The following KCNK10 variants were observed in gnomAD, a reference collection of about 807,000 sequenced individuals.
The protein encoded by KCNK10 is potassium two pore domain channel subfamily K member 10.
Under a neutral mutation model 47.7 loss-of-function variants are expected in KCNK10, and 25 were observed. The ratio of observed to expected loss-of-function variants is 0.52; its 90% CI spans 0.38 to 0.73. The LOEUF (loss-of-function observed/expected upper bound fraction) is 0.73, where lower values mean the gene tolerates loss of function less well. KCNK10 is among the 30% of genes least tolerant of loss of function. The pLI is 0.00. For synonymous variants in KCNK10, 303 were observed against 285.6 expected, an observed-to-expected ratio of 1.06 and a Z score of -0.61; for missense variants, 563 against 714.5, an observed-to-expected ratio of 0.79 and a Z score of 2.42.
chr14:88,192,583 G>C (rs908177304), intron 4 of KCNK10, among the ~76,000 whole-genome samples, 173 bp from the exon 5 acceptor site: 11 of 152,176 alleles, frequency 7.2e-5, no homozygotes, highest in South Asian at 2.1e-4. Context: ...AGTGCATTCA[G>C]AATTTTTCAA....
intron 1 of KCNK10, among the ~76,000 whole-genome samples, chr14:88,289,571 G>T (rs1887834655): frequency 6.6e-6 from 1 of 152,210 alleles, no homozygotes; most frequent in South Asian, 2.1e-4. Flanking sequence ...CTGCTTGTGT[G>T]ATCTGCTCCT....
chr14:88,189,378 C>T (rs183600984), intron 5 of KCNK10, among the ~76,000 whole-genome samples: 6 of 152,188 alleles, frequency 3.9e-5, no homozygotes, highest in Admixed American at 6.5e-5. Flanking sequence ...CTGTAGGATA[C>T]GATCTGAGTT....
At chr14:88,274,603 A>G (rs112212123) in intron 1 of KCNK10, among the ~76,000 whole-genome samples, 6,328 of 150,724 alleles carry the variant, frequency 0.042, 263 homozygotes, top group African/African-American at 0.1. Context: ...GTCCTATTGC[A>G]TAATTCCCTA....
chr14:88,210,936 A>T (rs1168434766), intron 4 of KCNK10, among the ~76,000 whole-genome samples: 1 of 152,178 alleles, frequency 6.6e-6, no homozygotes, highest in Admixed American at 6.5e-5. Context: ...ACTGTAGAAA[A>T]CAGTGTCACG....
At chr14:88,297,323 C>T (rs933351952) in intron 1 of KCNK10, among the ~76,000 whole-genome samples, 1 of 152,206 alleles carries the variant, frequency 6.6e-6, no homozygotes, top group Non-Finnish European at 1.5e-5. Flanking sequence ...TCACTTCAAA[C>T]ATTTGTTGCC....
chr14:88,269,486 G>A (rs989206706), intron 1 of KCNK10, among the ~76,000 whole-genome samples: 2 of 152,212 alleles, frequency 1.3e-5, no homozygotes, highest in African/African-American at 4.8e-5. Context: ...CACTCAGGCT[G>A]AAGTGCAGTG....
chr14:88,194,104 C>T (rs1481687769), intron 4 of KCNK10, among the ~76,000 whole-genome samples: 4 of 151,966 alleles, frequency 2.6e-5, no homozygotes, highest in Admixed American at 2.6e-4. Flanking sequence ...ATATAGAAAC[C>T]CTCCTAATCT....
intron 2 of KCNK10, 69 bp downstream of exon 2, chr14:88,263,133 C>T (rs1453790648): frequency 6.2e-6 from 8 of 1,299,338 alleles, no homozygotes; most frequent in Non-Finnish European, 8.5e-6. Flanking sequence ...ACTAGAGACC[C>T]AGAAAGATAA....
chr14:88,310,770 C>T (rs1888312350), intron 1 of KCNK10, among the ~76,000 whole-genome samples: 1 of 152,080 alleles, frequency 6.6e-6, no homozygotes, highest in Admixed American at 6.6e-5. Context: ...AGAAATACCC[C>T]AATGTTACAA....
intron 4 of KCNK10, among the ~76,000 whole-genome samples, chr14:88,207,763 C>T (rs1222282882): frequency 6.6e-6 from 1 of 152,150 alleles, no homozygotes; most frequent in African/African-American, 2.4e-5. Flanking sequence ...AGATGGGACC[C>T]GACCTCACAC....
chr14:88,295,302 T>C (rs1887963887), intron 1 of KCNK10, among the ~76,000 whole-genome samples: 1 of 152,230 alleles, frequency 6.6e-6, no homozygotes, highest in Non-Finnish European at 1.5e-5. Flanking sequence ...ACCTTGGACA[T>C]TTGAAAGCTT....
At chr14:88,217,828 T>G (rs1488255112) in intron 4 of KCNK10, among the ~76,000 whole-genome samples, 3 of 152,176 alleles carry the variant, frequency 2.0e-5, no homozygotes, top group Admixed American at 1.3e-4. Context: ...GTTCAAGTGA[T>G]TCTCCTGCCT....
At chr14:88,295,207 G>C (rs1214208857) in intron 1 of KCNK10, among the ~76,000 whole-genome samples, 1 of 152,182 alleles carries the variant, frequency 6.6e-6, no homozygotes, top group Non-Finnish European at 1.5e-5. Flanking sequence ...AATCAACTTT[G>C]CTCTGTCACC....
intron 2 of KCNK10, among the ~76,000 whole-genome samples, chr14:88,242,521 CT>C: frequency 6.6e-6 from 1 of 152,302 alleles, no homozygotes; most frequent in East Asian, 1.9e-4. Flanking sequence ...TGAGTCTATT[CT>C]TTTCTGCCTC....
At chr14:88,197,122 C>T (rs1000454157) in intron 4 of KCNK10, among the ~76,000 whole-genome samples, 2 of 152,176 alleles carry the variant, frequency 1.3e-5, no homozygotes, top group African/African-American at 4.8e-5. Flanking sequence ...TATCCAGCTT[C>T]TGACTCTGAG....
chr14:88,249,500 TGACTA>T (rs1886734810), intron 2 of KCNK10, among the ~76,000 whole-genome samples: 1 of 152,198 alleles, frequency 6.6e-6, no homozygotes, highest in South Asian at 2.1e-4. Flanking sequence ...TCCTGCTCTG[TGACTA>T]AGGACCTGAG....
chr14:88,311,806 A>G (rs1888334727), intron 1 of KCNK10, among the ~76,000 whole-genome samples: 2 of 151,966 alleles, frequency 1.3e-5, no homozygotes, highest in Non-Finnish European at 2.9e-5. Context: ...ACCAGTGTAG[A>G]AACCACCCTG....
chr14:88,205,850 A>C (rs1028473410), intron 4 of KCNK10, among the ~76,000 whole-genome samples: 1 of 152,058 alleles, frequency 6.6e-6, no homozygotes, highest in Non-Finnish European at 1.5e-5. Flanking sequence ...CCCGTAGTGC[A>C]TTTTTCTACA....
chr14:88,241,493 C>G (rs1886466300), intron 2 of KCNK10, among the ~76,000 whole-genome samples: 1 of 147,882 alleles, frequency 6.8e-6, no homozygotes, highest in Admixed American at 6.8e-5. Context: ...CACTCTCCCC[C>G]ACCCCCACAC....
Sources: allele counts gnomAD v4.1 joint callset (sites outside exome capture counted in the v4.1 genomes callset), GRCh38; gene constraint gnomAD v4.1.1; transcripts MANE v1.5; gene names NCBI Gene and HGNC (gene_info 2026-07-23, HGNC 2026-07-21).